Variants in KCTD8 observed in about 807,000 individuals in gnomAD.
KCTD8 encodes potassium channel tetramerization domain containing 8.
A neutral mutation model predicts 31.5 loss-of-function variants in KCTD8; 27 were observed. The observed-to-expected ratio is 0.86, with a 90% CI of 0.63 to 1.18. The LOEUF is 1.18. Among genes scored for constraint, KCTD8 ranks in the 50% most tolerant of loss-of-function variants. KCTD8 has a pLI of 0.00. For missense variants in KCTD8, 658 were observed against 647.7 expected, an observed-to-expected ratio of 1.02 and a Z score of -0.17; for synonymous variants, 290 against 280.0, an observed-to-expected ratio of 1.04 and a Z score of -0.36.
chr4:44,345,567 T>G (rs1271562004), intron 1 of KCTD8, among the ~76,000 whole-genome samples: 1 of 152,118 alleles, frequency 6.6e-6, no homozygotes, highest in Non-Finnish European at 1.5e-5. Flanking sequence ...TCACGAAACA[T>G]TAAGTGCTGC....
chr4:44,397,470 C>T (rs1284682328), intron 1 of KCTD8, among the ~76,000 whole-genome samples: 4 of 151,896 alleles, frequency 2.6e-5, no homozygotes, highest in African/African-American at 9.7e-5. Flanking sequence ...TTTGTATATA[C>T]CCACTGGCAC....
chr4:44,376,121 T>C (rs1719911157), intron 1 of KCTD8, among the ~76,000 whole-genome samples: 1 of 152,286 alleles, frequency 6.6e-6, no homozygotes, highest in Admixed American at 6.5e-5. Context: ...CGCTACTTGA[T>C]GGATGTACCA....
intron 1 of KCTD8, among the ~76,000 whole-genome samples, chr4:44,419,383 C>T (rs1242200216): frequency 6.6e-6 from 1 of 152,192 alleles, no homozygotes. Flanking sequence ...CAACTGACTG[C>T]ATGGCAGGGG....
At position 44,179,355 on chromosome 4, in the gene KCTD8, T is replaced by C. The variant is rs377521489; in HGVS notation, c.962-4105A>G. Among the ~76,000 whole-genome samples the C allele has an allele frequency of 1.2e-4, 18 of 151,782 alleles. No individual in the cohort carries two copies. In the East Asian group the frequency reaches 3.3e-3, roughly 28 times the overall value. ...CTTGGGATATTTTAGAATATCTCTT[T>C]CTATAGACTTCAAGAACTATGAAGA... On this transcript the variant is annotated intron_variant, in intron 1 of 1. Transcript: ENST00000360029.
intron 1 of KCTD8, among the ~76,000 whole-genome samples, chr4:44,410,830 C>A (rs1720935322): frequency 6.6e-6 from 1 of 152,090 alleles, no homozygotes; most frequent in African/African-American, 2.4e-5. Context: ...TCCCAAAACA[C>A]GTGGGAATTA....
chr4:44,237,497 C>T (rs1418172730), intron 1 of KCTD8, among the ~76,000 whole-genome samples: 1 of 152,142 alleles, frequency 6.6e-6, no homozygotes, highest in African/African-American at 2.4e-5. Flanking sequence ...ATTCAGAAAA[C>T]TGTCAGGAAG....
chr4:44,235,445 C>G lies in KCTD8; in HGVS notation c.962-60195G>C, dbSNP rs371679670. 8.4e-5 allele frequency among the ~76,000 whole-genome samples: 12 copies of G among 142,098 alleles called. 1 individual carries two copies. Among genetic ancestry groups the G allele is most frequent in the Admixed American group, 3.5e-4 (5 of 14,136 alleles). The allele number at this position is 142,098 out of a possible 152,430, so 93.2% of individuals were successfully genotyped here. ...TATACATACATAAACATCTCTCTAT[C>G]TGTATATATACAGATAGAGAGCAAG... On this transcript the variant is annotated intron_variant, in intron 1 of 1. Coordinates refer to ENST00000360029, the MANE Select transcript of KCTD8 (RefSeq NM_198353.3).
At chr4:44,230,699 G>T (rs553943657) in intron 1 of KCTD8, among the ~76,000 whole-genome samples, 1 of 152,290 alleles carries the variant, frequency 6.6e-6, no homozygotes, top group African/African-American at 2.4e-5. Flanking sequence ...GGGCCTCTCA[G>T]CTAGCACCTA....
chr4:44,304,679 G>A (rs1293327479), intron 1 of KCTD8, among the ~76,000 whole-genome samples: 1 of 152,066 alleles, frequency 6.6e-6, no homozygotes, highest in Non-Finnish European at 1.5e-5. Context: ...ATAAATCATG[G>A]TTAGGAAAGA....
intron 1 of KCTD8, among the ~76,000 whole-genome samples, chr4:44,193,658 TA>T: frequency 6.6e-6 from 1 of 151,988 alleles, no homozygotes; most frequent in East Asian, 1.9e-4. Context: ...AAAAAAAAAT[TA>T]AAGGCTACAC....
At chr4:44,387,931 T>C (rs558724516) in intron 1 of KCTD8, among the ~76,000 whole-genome samples, 1 of 150,390 alleles carries the variant, frequency 6.6e-6, no homozygotes, top group South Asian at 2.1e-4. Context: ...AGAGATAGCC[T>C]ACAGAATGGG....
intron 1 of KCTD8, among the ~76,000 whole-genome samples, chr4:44,265,556 G>A (rs1054108697): frequency 5.3e-5 from 8 of 152,208 alleles, no homozygotes; most frequent in Non-Finnish European, 8.8e-5. Context: ...TGACTTTGAC[G>A]AGTTGAGAGA....
chr4:44,389,859 G>T (rs565339933), intron 1 of KCTD8, among the ~76,000 whole-genome samples: 1 of 151,886 alleles, frequency 6.6e-6, no homozygotes, highest in Non-Finnish European at 1.5e-5. Flanking sequence ...ATACCAATTG[G>T]TTTTGATTTG....
intron 1 of KCTD8, among the ~76,000 whole-genome samples, chr4:44,176,123 T>G (rs1308739058): frequency 1.3e-5 from 2 of 152,210 alleles, no homozygotes; most frequent in Non-Finnish European, 2.9e-5. Context: ...TTCTAAAACC[T>G]TCATTAAATG....
chr4:44,179,247 T>C (rs1345614040), intron 1 of KCTD8, among the ~76,000 whole-genome samples: 5 of 151,924 alleles, frequency 3.3e-5, no homozygotes, highest in Non-Finnish European at 5.9e-5. Context: ...GTCTTTCCAA[T>C]GACAAATAAT....
Position 44,448,055 on chromosome 4 carries a change from TGAGA to T in KCTD8, c.465_468del (p.Leu156ThrfsTer170), listed in dbSNP as rs1721996434. On this transcript the variant is annotated frameshift_variant, in exon 1 of 2. Coordinates refer to ENST00000360029, the MANE Select transcript of KCTD8 (RefSeq NM_198353.3). LOFTEE classifies it high-confidence loss of function. The surrounding 1 kb of genome is among the most constrained non-coding windows in gnomAD (Gnocchi z 4.1). ...AGGTCGCTCTGGCAGCCCTCGTCGT[TGAGA>T]GAGTTCTGCTTGGTGACCTTGGGCG... The T allele has an allele frequency of 6.2e-7, 1 of 1,611,014 alleles. No individual in the cohort carries two copies. The highest frequency in any genetic ancestry group is 8.5e-7 in the Non-Finnish European group (1 of 1,178,896).
At chr4:44,346,423 T>A (rs1719038647) in intron 1 of KCTD8, among the ~76,000 whole-genome samples, 1 of 152,166 alleles carries the variant, frequency 6.6e-6, no homozygotes, top group Admixed American at 6.6e-5. Context: ...GTGGTGATAT[T>A]CAAAGCGACA....
At chr4:44,203,718 T>A (rs1657202704) in intron 1 of KCTD8, among the ~76,000 whole-genome samples, 1 of 151,644 alleles carries the variant, frequency 6.6e-6, no homozygotes, top group African/African-American at 2.4e-5. Context: ...GTATGTCTGA[T>A]AAACAGCAAA....
intron 1 of KCTD8, among the ~76,000 whole-genome samples, chr4:44,294,984 A>G (rs1717386690): frequency 6.6e-6 from 1 of 152,122 alleles, no homozygotes; most frequent in African/African-American, 2.4e-5. Context: ...AAAAGGAGAT[A>G]AAAGGCTGTC....
Sources: gnomAD v4.1 joint callset for allele counts (sites outside exome capture counted in the v4.1 genomes callset) on GRCh38, gnomAD v4.1.1 for gene constraint, Gnocchi (gnomAD v3.1) non-coding constraint, MANE v1.5 for transcripts, NCBI Gene and HGNC (gene_info 2026-07-23, HGNC 2026-07-21) for gene names.